Variants in FAM120A observed in about 807,000 individuals in gnomAD.
The protein encoded by FAM120A is constitutive coactivator of PPAR-gamma-like protein 1.
Under a neutral mutation model 109.7 loss-of-function variants are expected in FAM120A, and 15 were observed. The observed-to-expected ratio is 0.14, with a 90% CI of 0.09 to 0.21. The LOEUF is 0.21. Ranked by LOEUF, FAM120A falls within the 10% of genes least tolerant of loss-of-function variation. The pLI, the probability that FAM120A is intolerant of heterozygous loss-of-function variation, is 1.00. For synonymous variants in FAM120A, 493 were observed against 572.8 expected (o/e 0.86, Z 1.99); for missense variants, 899 against 1,439.3 (o/e 0.62, Z 6.07).
chr9:93,545,567 G>C (rs1444411243), intron 11 of FAM120A, among the ~76,000 whole-genome samples: 3 of 152,164 alleles, frequency 2.0e-5, no homozygotes, highest in East Asian at 1.9e-4. Flanking sequence ...AGGCATGACT[G>C]ACCATCCCTC....
intron 3 of FAM120A, among the ~76,000 whole-genome samples, chr9:93,493,546 A>G (rs1399896528): frequency 6.6e-6 from 1 of 152,276 alleles, no homozygotes; most frequent in Admixed American, 6.5e-5. Flanking sequence ...GAGCAGTTTC[A>G]GCATCAACTC....
At chr9:93,460,567 CCT>C (rs1245311888) in intron 1 of FAM120A, among the ~76,000 whole-genome samples, 2 of 152,160 alleles carry the variant, frequency 1.3e-5, no homozygotes, top group Admixed American at 6.5e-5. Flanking sequence ...GGACTCCTGA[CCT>C]CGTGATCCAC....
intron 2 of FAM120A, among the ~76,000 whole-genome samples, chr9:93,473,854 C>T (rs866703923): frequency 1.4e-4 from 22 of 152,076 alleles, no homozygotes; most frequent in Admixed American, 1.4e-3. Flanking sequence ...GGGGGTGGCA[C>T]ATTATATGGA....
intron 7 of FAM120A, chr9:93,523,474 A>G (rs1426790303): frequency 2.6e-6 from 1 of 378,534 alleles, no homozygotes; most frequent in Non-Finnish European, 4.6e-6. Flanking sequence ...ATGTTTTGAC[A>G]CATGGTACCA....
chr9:93,455,880 C>G (rs1857530097), intron 1 of FAM120A, among the ~76,000 whole-genome samples: 1 of 152,142 alleles, frequency 6.6e-6, no homozygotes, highest in Admixed American at 6.5e-5. Context: ...CCAGGCTGGT[C>G]TTGAGCTCCT....
intron 3 of FAM120A, 84 bp downstream of exon 3, chr9:93,476,422 A>T: frequency 1.1e-6 from 1 of 892,658 alleles, no homozygotes; most frequent in Non-Finnish European, 1.8e-6. Context: ...TAGGCCCTTT[A>T]TTGGTGATGC....
At chr9:93,455,188 T>A (rs1857498263) in intron 1 of FAM120A, among the ~76,000 whole-genome samples, 1 of 152,262 alleles carries the variant, frequency 6.6e-6, no homozygotes, top group Admixed American at 6.5e-5. Context: ...TATGGAATAC[T>A]ACTTAGCAAT....
chr9:93,511,587 CT>C (rs1355930567), intron 5 of FAM120A, among the ~76,000 whole-genome samples: 1 of 152,226 alleles, frequency 6.6e-6, no homozygotes, highest in Non-Finnish European at 1.5e-5. Flanking sequence ...CTTTCTATAA[CT>C]TTTTATCTTC....
chr9:93,470,004 C>T (rs1230135866), intron 1 of FAM120A, among the ~76,000 whole-genome samples: 2 of 152,242 alleles, frequency 1.3e-5, no homozygotes, highest in East Asian at 3.9e-4. Flanking sequence ...CTTCTGGTCT[C>T]CTGTGACCAC....
chr9:93,549,912 C>T (rs1030257424), intron 11 of FAM120A, among the ~76,000 whole-genome samples: 4 of 152,166 alleles, frequency 2.6e-5, no homozygotes, highest in Non-Finnish European at 2.9e-5. Flanking sequence ...GTGATTCAGG[C>T]AGTGCTGTTA....
intron 2 of FAM120A, among the ~76,000 whole-genome samples, 197 bp downstream of exon 2, chr9:93,471,584 T>A (rs1355846260): frequency 6.6e-6 from 1 of 152,222 alleles, no homozygotes; most frequent in Non-Finnish European, 1.5e-5. Flanking sequence ...TGTTCTTAAG[T>A]GTTTGTTGAG....
At chr9:93,476,911 A>G (rs1216662089) in intron 3 of FAM120A, among the ~76,000 whole-genome samples, 1 of 152,164 alleles carries the variant, frequency 6.6e-6, no homozygotes, top group African/African-American at 2.4e-5. Flanking sequence ...GATTTTCTGC[A>G]GTGGAAGTGT....
At chr9:93,514,435 G>C (rs1254293336) in intron 5 of FAM120A, among the ~76,000 whole-genome samples, 1 of 152,214 alleles carries the variant, frequency 6.6e-6, no homozygotes, top group Non-Finnish European at 1.5e-5. Context: ...AGCAAGCTCT[G>C]GGCTTGGTTT....
chr9:93,514,849 C>T (rs1170441876), intron 5 of FAM120A, among the ~76,000 whole-genome samples: 1 of 152,212 alleles, frequency 6.6e-6, no homozygotes, highest in Non-Finnish European at 1.5e-5. Flanking sequence ...TTAGGCCGCG[C>T]GAGGCCAGAG....
intron 7 of FAM120A, among the ~76,000 whole-genome samples, chr9:93,518,143 A>G (rs1350538802): frequency 6.6e-6 from 1 of 152,190 alleles, no homozygotes; most frequent in African/African-American, 2.4e-5. Context: ...AGAGACAGAC[A>G]TGTTAGACTT....
At chr9:93,548,547 C>T (rs1861977599) in intron 11 of FAM120A, among the ~76,000 whole-genome samples, 1 of 152,082 alleles carries the variant, frequency 6.6e-6, no homozygotes, top group African/African-American at 2.4e-5. Context: ...TGCCACTGAA[C>T]TGTACACTTA....
intron 5 of FAM120A, among the ~76,000 whole-genome samples, chr9:93,503,783 C>T (rs1026286024): frequency 5.3e-5 from 8 of 151,506 alleles, no homozygotes; most frequent in African/African-American, 1.2e-4. Flanking sequence ...CACACCAATG[C>T]GAAGTGTGTA....
At chr9:93,453,684 C>T (rs913636758) in intron 1 of FAM120A, 63 of 946,608 alleles carry the variant, frequency 6.7e-5, no homozygotes, top group Non-Finnish European at 7.4e-5. Context: ...GGCCCCTGCG[C>T]CTGGCAGACA....
chr9:93,563,502 A>G (rs771928054), intron 17 of FAM120A, among the ~76,000 whole-genome samples: 1 of 152,202 alleles, frequency 6.6e-6, no homozygotes, highest in Non-Finnish European at 1.5e-5. Context: ...TTGTGCTGCT[A>G]AACACCCTAC....
Sources: gnomAD v4.1 joint callset for allele counts (sites outside exome capture counted in the v4.1 genomes callset) on GRCh38, gnomAD v4.1.1 for gene constraint, MANE v1.5 for transcripts, NCBI Gene and HGNC (gene_info 2026-07-23, HGNC 2026-07-21) for gene names.